Variants in TTC28 observed in about 807,000 individuals in gnomAD.
TTC28 encodes tetratricopeptide repeat protein 28.
Under a neutral mutation model 198.0 loss-of-function variants are expected in TTC28, and 61 were observed. The observed-to-expected ratio is 0.31, with a 90% CI of 0.25 to 0.38. The LOEUF (loss-of-function observed/expected upper bound fraction) is 0.38, where lower values mean the gene tolerates loss of function less well. TTC28 is among the 10% of genes least tolerant of loss of function. TTC28 has a pLI of 1.00. For missense variants in TTC28, 2,678 were observed against 3,164.0 expected (o/e 0.85, Z 3.69); for synonymous variants, 1,171 against 1,297.8 (o/e 0.90, Z 2.10).
intron 12 of TTC28, among the ~76,000 whole-genome samples, chr22:28,073,330 C>T (rs1402954344): frequency 6.6e-6 from 1 of 152,140 alleles, no homozygotes; most frequent in East Asian, 1.9e-4. Flanking sequence ...AAGGGAGACA[C>T]TGAGCCAGGG....
intron 2 of TTC28, among the ~76,000 whole-genome samples, chr22:28,390,466 G>A (rs1214205960): frequency 1.3e-5 from 2 of 152,098 alleles, no homozygotes; most frequent in Non-Finnish European, 2.9e-5. Context: ...CATTATTAAT[G>A]TGTGGGAGTC....
intron 6 of TTC28, among the ~76,000 whole-genome samples, chr22:28,151,590 T>A (rs1469345475): frequency 6.6e-6 from 1 of 152,196 alleles, no homozygotes; most frequent in African/African-American, 2.4e-5. Flanking sequence ...ATTATTAATA[T>A]GTATTAGGCA....
chr22:28,476,689 G>T (rs538432197), intron 2 of TTC28, among the ~76,000 whole-genome samples: 2 of 152,032 alleles, frequency 1.3e-5, no homozygotes, highest in African/African-American at 2.4e-5. Context: ...CTAGTAATGA[G>T]GTAGTACAAT....
chr22:28,255,888 T>C (rs1930875190), intron 5 of TTC28, among the ~76,000 whole-genome samples: 1 of 152,088 alleles, frequency 6.6e-6, no homozygotes, highest in Non-Finnish European at 1.5e-5. Context: ...TTTGGATTGT[T>C]TGTTATAGTA....
At chr22:28,225,310 A>G (rs1182602567) in intron 5 of TTC28, among the ~76,000 whole-genome samples, 1 of 151,772 alleles carries the variant, frequency 6.6e-6, no homozygotes, top group Admixed American at 6.6e-5. Context: ...AGCCGAGATC[A>G]TGCCACTGTA....
intron 5 of TTC28, among the ~76,000 whole-genome samples, chr22:28,191,470 G>GT (rs1369087946): frequency 2.0e-5 from 3 of 152,222 alleles, no homozygotes; most frequent in African/African-American, 7.2e-5. Context: ...CGCACCGAGC[G>GT]TAAGCGGAGG....
At chr22:28,201,692 A>T (rs894038755) in intron 5 of TTC28, among the ~76,000 whole-genome samples, 1 of 151,468 alleles carries the variant, frequency 6.6e-6, no homozygotes, top group Non-Finnish European at 1.5e-5. Flanking sequence ...AGACTGAAAT[A>T]AGCAAGGAAA....
intron 2 of TTC28, among the ~76,000 whole-genome samples, chr22:28,398,534 T>C (rs1333612860): frequency 2.0e-5 from 3 of 152,192 alleles, no homozygotes; most frequent in Admixed American, 6.5e-5. Flanking sequence ...TTTGACAAAC[T>C]GAGGGTGACT....
intron 5 of TTC28, among the ~76,000 whole-genome samples, chr22:28,226,442 A>T (rs1189957416): frequency 2.0e-5 from 3 of 151,890 alleles, no homozygotes; most frequent in Non-Finnish European, 1.5e-5. Flanking sequence ...TTCTCTTTTT[A>T]TGAGACAGAG....
intron 6 of TTC28, among the ~76,000 whole-genome samples, chr22:28,145,461 C>T (rs1298241265): frequency 6.6e-6 from 1 of 152,046 alleles, no homozygotes; most frequent in African/African-American, 2.4e-5. Flanking sequence ...TGCCTTACTC[C>T]GAGATCAATG....
chr22:28,612,036 G>A (rs2146153330), intron 2 of TTC28, among the ~76,000 whole-genome samples: 1 of 152,180 alleles, frequency 6.6e-6, no homozygotes, highest in South Asian at 2.1e-4. Context: ...ATTGACAAAT[G>A]GGATAAAGAG....
chr22:28,595,320 A>T (rs1333951394), intron 2 of TTC28, among the ~76,000 whole-genome samples: 1 of 152,186 alleles, frequency 6.6e-6, no homozygotes, highest in Non-Finnish European at 1.5e-5. Context: ...AGAATTGGTC[A>T]GTAACTAATC....
intron 2 of TTC28, among the ~76,000 whole-genome samples, chr22:28,451,957 T>A (rs1007745338): frequency 6.6e-6 from 1 of 152,158 alleles, no homozygotes; most frequent in Non-Finnish European, 1.5e-5. Flanking sequence ...TTTGAAGTTA[T>A]TAACTTTCCC....
chr22:28,428,683 G>T (rs1380702633), intron 2 of TTC28, among the ~76,000 whole-genome samples: 1 of 149,774 alleles, frequency 6.7e-6, no homozygotes, highest in African/African-American at 2.4e-5. Flanking sequence ...CTGTTGCCCA[G>T]GCTGGAGTGC....
At chr22:28,292,890 T>C (rs1434268801) in intron 5 of TTC28, among the ~76,000 whole-genome samples, 5 of 152,206 alleles carry the variant, frequency 3.3e-5, no homozygotes, top group East Asian at 3.8e-4. Flanking sequence ...CTAAGCACAG[T>C]ATTAGGTGCC....
intron 5 of TTC28, among the ~76,000 whole-genome samples, chr22:28,288,829 CTA>C: frequency 6.8e-6 from 1 of 146,234 alleles, no homozygotes; most frequent in East Asian, 2.0e-4. Flanking sequence ...AAAAAAAAAG[CTA>C]TATAATTTTT....
At chr22:28,356,007 T>C (rs2046072556) in intron 2 of TTC28, among the ~76,000 whole-genome samples, 1 of 152,186 alleles carries the variant, frequency 6.6e-6, no homozygotes, top group African/African-American at 2.4e-5. Context: ...CTTTGGAAAA[T>C]GAAAACTTTT....
intron 2 of TTC28, among the ~76,000 whole-genome samples, chr22:28,579,489 A>C (rs892472502): frequency 1.3e-5 from 2 of 148,664 alleles, no homozygotes; most frequent in Admixed American, 1.4e-4. Flanking sequence ...ATATATAGTT[A>C]TATGTATAGT....
intron 2 of TTC28, among the ~76,000 whole-genome samples, chr22:28,555,398 T>G (rs1056344755): frequency 6.6e-6 from 1 of 152,136 alleles, no homozygotes; most frequent in African/African-American, 2.4e-5. Context: ...CACACCTATG[T>G]TTATAGCAGC....
Sources: allele counts gnomAD v4.1 joint callset (sites outside exome capture counted in the v4.1 genomes callset), GRCh38; gene constraint gnomAD v4.1.1; transcripts MANE v1.5; gene names NCBI Gene and HGNC (gene_info 2026-07-23, HGNC 2026-07-21).